The following EPHA5 variants were observed in gnomAD, a reference collection of about 807,000 sequenced individuals.
EPHA5 encodes EPH receptor A5.
EPHA5 carries 60 observed loss-of-function variants against 105.0 expected under a neutral mutation model. The ratio of observed to expected loss-of-function variants is 0.57; its 90% confidence interval spans 0.46 to 0.71. The LOEUF (loss-of-function observed/expected upper bound fraction) is 0.71, where lower values mean the gene tolerates loss of function less well. EPHA5 is among the 30% of genes least tolerant of loss of function. The pLI, the probability that EPHA5 is intolerant of heterozygous loss-of-function variation, is 0.00. For missense variants in EPHA5, 1,218 were observed against 1,274.7 expected, an observed-to-expected ratio of 0.96 and a Z score of 0.68; for synonymous variants, 513 against 449.1, an observed-to-expected ratio of 1.14 and a Z score of -1.80.
chr4:65,605,380 C>G (rs750294942), intron 2 of EPHA5, among the ~76,000 whole-genome samples: 12 of 152,188 alleles, frequency 7.9e-5, no homozygotes, highest in South Asian at 2.1e-4. Context: ...TCATTGCTCT[C>G]TTGGCCTTCT....
chr4:65,589,227 G>A (rs1165063572), intron 3 of EPHA5, among the ~76,000 whole-genome samples: 1 of 148,556 alleles, frequency 6.7e-6, no homozygotes, highest in Non-Finnish European at 1.5e-5. Flanking sequence ...AGTGTTATTT[G>A]GTTAAACTGC....
rs534770476 is a variant in EPHA5 at position 65,602,299 on chromosome 4, T to C, written c.252A>G (p.Glu84=). ...AATTTTCATCCACTTCACCAATCTC[T>C]TCCCACTGTACAATATAAAATAGAA... is the stretch of plus-strand genomic sequence containing the variant. The part of the protein sequence containing the change: ...GWIAFPKNGW[E]EIGEVDENYA... The change falls in exon 3 of 17, where the codon GAA becomes GAG. Residue 84 remains glutamate, a synonymous_variant. Coordinates refer to ENST00000613740, the MANE Select transcript of EPHA5 (RefSeq NM_001281766.3). 1 of 1,590,330 alleles carries C rather than the reference T, an allele frequency of 6.3e-7. No homozygotes were observed. Among genetic ancestry groups the C allele is most frequent in the Non-Finnish European group, 8.5e-7 (1 of 1,171,020 alleles).
At position 65,394,986 on chromosome 4, in the gene EPHA5, G is replaced by A. The variant is rs187552835; in HGVS notation, c.1793+9388C>T. 1.2e-3 allele frequency among the ~76,000 whole-genome samples: 186 copies of A among 152,274 alleles called. 1 individual carries two copies. The highest frequency in any genetic ancestry group is 4.1e-3 in the African/African-American group (171 of 41,574). ...GATGCTTTGATATCAGATGTAGTCA[G>A]AGCTCGTTGATGTGTCTAAATTAAA... is the stretch of plus-strand genomic sequence containing the variant. On this transcript the variant is annotated intron_variant, in intron 8 of 16. Coordinates refer to ENST00000613740, the MANE Select transcript of EPHA5 (RefSeq NM_001281766.3).
rs1731305642 is a variant in EPHA5 at position 65,490,567 on chromosome 4, C to A, written c.1212G>T (p.Val404=). 6.2e-7 allele frequency: 1 copy of A among 1,614,022 alleles called. No homozygotes were observed. The highest frequency in any genetic ancestry group is 8.5e-7 in the Non-Finnish European group (1 of 1,180,024). ...ACKKCNSHAG[V]CEECGGHVRY... ...TGACATGACCGCCACACTCCTCACA[C>A]ACACCTGCATGGGAGTTGCACTTCT... Residue 404 remains valine, a synonymous_variant, in exon 5 of 17, where the codon GTG becomes GTT. Transcript: ENST00000613740.
chr4:65,405,350 T>C (rs981770914), intron 7 of EPHA5, among the ~76,000 whole-genome samples: 30 of 152,166 alleles, frequency 2.0e-4, no homozygotes, highest in Middle Eastern at 3.2e-3. Flanking sequence ...CTAGCATGCT[T>C]CTTGTTTAAT....
intron 2 of EPHA5, among the ~76,000 whole-genome samples, chr4:65,614,035 G>GA (rs1460522790): frequency 6.6e-6 from 1 of 151,768 alleles, no homozygotes; most frequent in Non-Finnish European, 1.5e-5. Flanking sequence ...AAGAATTCTA[G>GA]AAAAATATGA....
At chr4:65,476,119 A>AGTGTGTGTGTGTGTGTGT (rs772117051) in intron 5 of EPHA5, among the ~76,000 whole-genome samples, 1 of 126,772 alleles carries the variant, frequency 7.9e-6, no homozygotes, top group African/African-American at 3.0e-5. Flanking sequence ...AGAGAGAGAG[A>AGTGTGTGTGTGTGTGTGT]GAGAGAGAGT....
chr4:65,577,174 T>C (rs1741140317), intron 3 of EPHA5, among the ~76,000 whole-genome samples: 1 of 152,192 alleles, frequency 6.6e-6, no homozygotes, highest in African/African-American at 2.4e-5. Flanking sequence ...AGAATTACAT[T>C]TAATTTGCTG....
intron 8 of EPHA5, among the ~76,000 whole-genome samples, chr4:65,395,800 T>C (rs1360187624): frequency 6.6e-6 from 1 of 152,220 alleles, no homozygotes; most frequent in Non-Finnish European, 1.5e-5. Context: ...ATTAAATTTA[T>C]CATCTAAGGA....
intron 8 of EPHA5, among the ~76,000 whole-genome samples, chr4:65,371,659 T>A (rs1241810046): frequency 6.6e-6 from 1 of 152,062 alleles, no homozygotes; most frequent in Non-Finnish European, 1.5e-5. Flanking sequence ...ACACAAGCAG[T>A]ACTTTATAAA....
intron 5 of EPHA5, among the ~76,000 whole-genome samples, 200 bp downstream of exon 5, chr4:65,490,177 G>A (rs1731261919): frequency 6.6e-6 from 1 of 152,148 alleles, no homozygotes; most frequent in Admixed American, 6.5e-5. Context: ...TTGTTTTCCT[G>A]TAAATGGGAT....
chr4:65,468,491 G>A (rs574082158), intron 5 of EPHA5, among the ~76,000 whole-genome samples: 35 of 140,478 alleles, frequency 2.5e-4, no homozygotes, highest in Middle Eastern at 3.9e-3. Flanking sequence ...CATATGGTAT[G>A]TATACACACA....
At chr4:65,465,465 G>GAA (rs59523171) in intron 5 of EPHA5, among the ~76,000 whole-genome samples, 1 of 47,486 alleles carries the variant, frequency 2.1e-5, no homozygotes, top group South Asian at 8.5e-4. Context: ...AGAAAAGAAA[G>GAA]AAAAAGAAAG....
chr4:65,574,415 C>T, intron 3 of EPHA5: 1 of 534,970 alleles, frequency 1.9e-6, no homozygotes, highest in Non-Finnish European at 2.8e-6. Context: ...ACTCAAATAA[C>T]TCAAATACAT....
intron 6 of EPHA5, among the ~76,000 whole-genome samples, chr4:65,418,403 G>A (rs1410856041): frequency 6.6e-6 from 1 of 152,134 alleles, no homozygotes; most frequent in African/African-American, 2.4e-5. Context: ...TAATCAGTGA[G>A]AAAGTTTAAT....
intron 3 of EPHA5, among the ~76,000 whole-genome samples, chr4:65,576,444 T>C (rs1741063047): frequency 6.6e-6 from 1 of 152,174 alleles, no homozygotes; most frequent in Non-Finnish European, 1.5e-5. Flanking sequence ...AGGAAGCAGG[T>C]GGTAGATAAA....
At chr4:65,662,561 A>G (rs1000123276) in intron 1 of EPHA5, among the ~76,000 whole-genome samples, 12 of 152,188 alleles carry the variant, frequency 7.9e-5, no homozygotes, top group Admixed American at 3.3e-4. Flanking sequence ...GATCTTACAG[A>G]GAAATAGAAG....
rs557399844 is a variant in EPHA5, at chr4:65,600,806, T to C, written c.910+835A>G. 3.3e-5 allele frequency among the ~76,000 whole-genome samples: 5 copies of C among 152,294 alleles called. No individual in the cohort carries two copies. The East Asian group carries it at 9.7e-4, about 29-fold the overall frequency. ...TGCTTTCTTTCCCATAAACTGCTCT[T>C]CGTTTTGATATAAAATACTCCCCTG... On this transcript the variant is annotated intron_variant, in intron 3 of 16. Coordinates refer to ENST00000613740, the MANE Select transcript of EPHA5 (RefSeq NM_001281766.3).
At chr4:65,433,492 A>C (rs189126927) in intron 5 of EPHA5, among the ~76,000 whole-genome samples, 1 of 152,326 alleles carries the variant, frequency 6.6e-6, no homozygotes, top group East Asian at 1.9e-4. Context: ...TCTTGATTCT[A>C]TTCACCCAGA....
Sources: allele counts gnomAD v4.1 joint callset (sites outside exome capture counted in the v4.1 genomes callset), GRCh38; gene constraint gnomAD v4.1.1; transcripts MANE v1.5; gene names NCBI Gene and HGNC (gene_info 2026-07-23, HGNC 2026-07-21).